The following MGST1 variants were observed in gnomAD, a reference collection of about 807,000 sequenced individuals.
MGST1 encodes the protein microsomal glutathione S-transferase 1.
MGST1 carries 5 observed loss-of-function variants against 8.9 expected under a neutral mutation model. The ratio of observed to expected loss-of-function variants is 0.56; its 90% CI spans 0.29 to 1.19. The LOEUF (loss-of-function observed/expected upper bound fraction) is 1.19, where lower values mean the gene tolerates loss of function less well. Among genes scored for constraint, MGST1 ranks in the 50% most tolerant of loss-of-function variants. MGST1 has a pLI of 0.08. For synonymous variants in MGST1, 54 were observed against 67.8 expected (o/e 0.80, Z 1.00); for missense variants, 182 against 187.4 (o/e 0.97, Z 0.17).
chr12:16,392,018 G>A (rs1940557653), intron 1 of MGST1, among the ~76,000 whole-genome samples: 2 of 152,156 alleles, frequency 1.3e-5, no homozygotes, highest in Admixed American at 6.5e-5. Flanking sequence ...CCCATTGCTA[G>A]TTTTTGTCAG....
At position 16,582,472 on chromosome 12, in the gene MGST1, T is replaced by C. The variant is rs1441948209; in HGVS notation, n.483-7056T>C. On this transcript the variant is annotated intron_variant and non_coding_transcript_variant, in intron 4 of 4. Coordinates refer to the MGST1 transcript ENST00000538857. The surrounding 1 kb of genome is among the most constrained non-coding windows in gnomAD (Gnocchi z 4.1). The stretch of plus-strand genomic sequence containing the variant: ...AGGTCAAGGTACTGTATTAGAGTTA[T>C]GTTAGTTTTGCATAAGCTGCTTTAC... 1.3e-5 allele frequency among the ~76,000 whole-genome samples: 2 copies of C among 152,206 alleles called. No homozygotes were observed. The highest frequency in any genetic ancestry group is 2.1e-4 in the South Asian group (1 of 4,832).
intron 1 of MGST1, among the ~76,000 whole-genome samples, chr12:16,418,645 G>A (rs1940806098): frequency 6.6e-6 from 1 of 152,102 alleles, no homozygotes; most frequent in African/African-American, 2.4e-5. Flanking sequence ...CTGGGCTCTG[G>A]AAGCAGATAG....
intron 4 of MGST1, among the ~76,000 whole-genome samples, chr12:16,558,754 T>C (rs1942284301): frequency 6.6e-6 from 1 of 152,136 alleles, no homozygotes; most frequent in Admixed American, 6.5e-5. Context: ...GAAACACTAT[T>C]GTGATACATG....
intron 4 of MGST1, among the ~76,000 whole-genome samples, chr12:16,515,015 TAG>T (rs1425967486): frequency 6.6e-6 from 1 of 152,206 alleles, no homozygotes; most frequent in African/African-American, 2.4e-5. Flanking sequence ...TGAAGTGTTA[TAG>T]AGTTCGGGTT....
Position 16,361,244 on chromosome 12 carries a change from T to C in MGST1, c.222-2551T>C, listed in dbSNP as rs917599442. 6.6e-6 allele frequency among the ~76,000 whole-genome samples: 1 copy of C among 152,114 alleles called. No individual in the cohort carries two copies. Among genetic ancestry groups the C allele is most frequent in the Non-Finnish European group, 1.5e-5 (1 of 68,022 alleles). ...GGAAAAGCCTGCTGTGCAGCTCCTT[T>C]TGTAGTTGTTCACAGCCTGACAATC... On this transcript the variant is annotated intron_variant, in intron 3 of 3. Transcript: ENST00000396210. This position sits in a 1 kb window ranked among gnomAD's most constrained non-coding sequence, Gnocchi z 4.2.
intron 2 of MGST1, chr12:16,354,769 G>GT: frequency 6.6e-6 from 1 of 150,688 alleles, no homozygotes; most frequent in South Asian, 2.1e-4. Context: ...TATGATTTTG[G>GT]TTAAAAAAAA....
rs1941479578 is a variant in MGST1, at chr12:16,497,744, T to C, written n.483-91784T>C. Among the ~76,000 whole-genome samples the C allele has an allele frequency of 6.6e-6, 1 of 152,134 alleles. No individual in the cohort carries two copies. The highest frequency in any genetic ancestry group is 2.4e-5 in the African/African-American group (1 of 41,442). On this transcript the variant is annotated intron_variant and non_coding_transcript_variant, in intron 4 of 4. Coordinates refer to the MGST1 transcript ENST00000538857. This position sits in a 1 kb window ranked among gnomAD's most constrained non-coding sequence, Gnocchi z 4.4. Reference sequence around the variant, plus strand: ...CTGTTAATCGTTCTGGTTGTAGCCATTTTTACTGTAATTTAGCCATCTCTA... The same window carrying C: ...CTGTTAATCGTTCTGGTTGTAGCCACTTTTACTGTAATTTAGCCATCTCTA...
chr12:16,465,218 T>C (rs1404847945), intron 4 of MGST1, among the ~76,000 whole-genome samples: 2 of 152,210 alleles, frequency 1.3e-5, no homozygotes, highest in East Asian at 3.8e-4. Context: ...GACTGAATCC[T>C]TTTGAACTCA....
chr12:16,349,870 G>C (rs559451947), intron 1 of MGST1, among the ~76,000 whole-genome samples: 2 of 150,682 alleles, frequency 1.3e-5, no homozygotes, highest in Admixed American at 6.6e-5. Flanking sequence ...TCAGCCTCCC[G>C]AGTAGCTGGG....
Position 16,582,736 on chromosome 12 carries a change from G to C in MGST1, n.483-6792G>C, listed in dbSNP as rs1943198808. Among the ~76,000 whole-genome samples, 3 of 152,084 alleles carry C rather than the reference G, an allele frequency of 2.0e-5. No individual in the cohort carries two copies. Among genetic ancestry groups the C allele is most frequent in the Admixed American group, 2.0e-4 (3 of 15,266 alleles). ...CTCACTCTTTTAAGTATCTGATTGG[G>C]ATGAGACGCCCAGAAAAGAATCAGA... On this transcript the variant is annotated intron_variant and non_coding_transcript_variant, in intron 4 of 4. Coordinates refer to the MGST1 transcript ENST00000538857. The surrounding 1 kb of genome is among the most constrained non-coding windows in gnomAD (Gnocchi z 4.1).
chr12:16,377,505 C>T (rs1379969869), downstream of MGST1, among the ~76,000 whole-genome samples: 3 of 151,926 alleles, frequency 2.0e-5, no homozygotes, highest in African/African-American at 7.3e-5. Flanking sequence ...CATAGTATTC[C>T]ACGGTGTATA....
downstream of MGST1, among the ~76,000 whole-genome samples, chr12:16,439,254 T>A (rs982568043): frequency 1.3e-5 from 2 of 151,894 alleles, no homozygotes; most frequent in African/African-American, 2.4e-5. Flanking sequence ...ATGTACACTT[T>A]TAGAAAGATT....
At chr12:16,561,240 C>T (rs1038648136) in intron 4 of MGST1, among the ~76,000 whole-genome samples, 1 of 151,984 alleles carries the variant, frequency 6.6e-6, no homozygotes, top group Non-Finnish European at 1.5e-5. Flanking sequence ...TTGTAATGAC[C>T]TAAAAGAAGT....
chr12:16,402,241 G>T (rs1360749890), intron 1 of MGST1: 1 of 1,587,558 alleles, frequency 6.3e-7, no homozygotes, highest in African/African-American at 1.3e-5. Context: ...GTATCAGTTA[G>T]TTCATAACCA....
chr12:16,569,840 A>T (rs1942751061), intron 4 of MGST1, among the ~76,000 whole-genome samples: 2 of 152,300 alleles, frequency 1.3e-5, no homozygotes, highest in South Asian at 4.1e-4. Flanking sequence ...AAAATAAAGG[A>T]TAACACATAT....
rs1417959518 is a variant in MGST1 at position 16,413,529 on chromosome 12, G to A, written n.779-23859G>A. Among the ~76,000 whole-genome samples, 1 of 152,082 alleles carries A rather than the reference G, an allele frequency of 6.6e-6. No homozygotes were observed. The highest frequency in any genetic ancestry group is 1.5e-5 in the Non-Finnish European group (1 of 68,016). On this transcript the variant is annotated intron_variant and non_coding_transcript_variant, in intron 1 of 1. Transcript: ENST00000359720. The surrounding 1 kb of genome is among the most constrained non-coding windows in gnomAD (Gnocchi z 4.0). ...AGAATTCTCCCAGCATCCGTATCTG[G>A]ATTGAAAGGGTAGATGGTGAAATAC...
At chr12:16,486,604 A>T (rs1941400218) in intron 4 of MGST1, among the ~76,000 whole-genome samples, 1 of 152,224 alleles carries the variant, frequency 6.6e-6, no homozygotes. Flanking sequence ...TAGAAAATCC[A>T]AGAGACAAGT....
intron 3 of MGST1, 78 bp downstream of exon 3, chr12:16,357,777 C>A: frequency 2.6e-6 from 3 of 1,159,970 alleles, no homozygotes; most frequent in South Asian, 1.4e-5. Flanking sequence ...GTCTCAGGGT[C>A]TTGGAGACTG....
In MGST1 at chr12:16,401,820, CTTTCCTTGAAGAAT is replaced by C. The variant is rs2137063381; in HGVS notation, n.778+18219_778+18232del. On this transcript the variant is annotated intron_variant and non_coding_transcript_variant, in intron 1 of 1. Coordinates refer to the MGST1 transcript ENST00000359720. The surrounding 1 kb of genome is among the most constrained non-coding windows in gnomAD (Gnocchi z 4.3). Reference sequence around the variant, plus strand: ...ATCTGCATCAACTATTTCCATGACTCTTTCCTTGAAGAATTTGTTGAAGACTTCAGAAGTGATGC... The same window carrying C: ...ATCTGCATCAACTATTTCCATGACTCTTGTTGAAGACTTCAGAAGTGATGC... 1 of 1,604,508 alleles carries C rather than the reference CTTTCCTTGAAGAAT, an allele frequency of 6.2e-7. No individual in the cohort carries two copies. Among genetic ancestry groups the C allele is most frequent in the South Asian group, 1.1e-5 (1 of 90,882 alleles).
Sources: gnomAD v4.1 joint callset for allele counts (sites outside exome capture counted in the v4.1 genomes callset) on GRCh38, gnomAD v4.1.1 for gene constraint, Gnocchi (gnomAD v3.1) non-coding constraint, MANE v1.5 for transcripts, NCBI Gene and HGNC (gene_info 2026-07-23, HGNC 2026-07-21) for gene names.